The following ASTN2 variants were observed in gnomAD, a reference collection of about 807,000 sequenced individuals.
The protein encoded by ASTN2 is astrotactin 2.
Under a neutral mutation model 139.8 loss-of-function variants are expected in ASTN2, and 54 were observed. That is an observed-to-expected ratio of 0.39 (90% CI 0.31 to 0.48). ASTN2 has a LOEUF of 0.48. Among genes scored for constraint, ASTN2 ranks in the 20% least tolerant of loss-of-function variants. The pLI, the probability that ASTN2 is intolerant of heterozygous loss-of-function variation, is 0.95. For missense variants in ASTN2, 1,565 were observed against 1,725.1 expected (o/e 0.91, Z 1.64); for synonymous variants, 756 against 719.5 (o/e 1.05, Z -0.81).
At chr9:116,702,811 T>G (rs1265963519) in intron 16 of ASTN2, among the ~76,000 whole-genome samples, 1 of 152,176 alleles carries the variant, frequency 6.6e-6, no homozygotes. Context: ...GAGCAATGAT[T>G]CATTCAATAT....
intron 4 of ASTN2, among the ~76,000 whole-genome samples, chr9:117,109,472 T>G (rs1394768682): frequency 6.6e-6 from 1 of 152,190 alleles, no homozygotes; most frequent in African/African-American, 2.4e-5. Context: ...ATCTCAAGAT[T>G]ATTTTAGCCC....
chr9:116,749,084 C>T (rs990506387), intron 13 of ASTN2, among the ~76,000 whole-genome samples: 2 of 152,108 alleles, frequency 1.3e-5, no homozygotes, highest in African/African-American at 2.4e-5. Flanking sequence ...CTTTCCTGGA[C>T]CTTTGTTTCC....
chr9:116,550,163 CTT>C (rs1489212304), intron 19 of ASTN2, among the ~76,000 whole-genome samples: 1 of 152,184 alleles, frequency 6.6e-6, no homozygotes, highest in Non-Finnish European at 1.5e-5. Context: ...CACTCTGACT[CTT>C]TTATCTCAGA....
intron 5 of ASTN2, among the ~76,000 whole-genome samples, chr9:117,062,338 C>G (rs1340949629): frequency 6.6e-6 from 1 of 152,128 alleles, no homozygotes; most frequent in African/African-American, 2.4e-5. Context: ...ACACTTAGGA[C>G]CTAAAAAGGA....
chr9:116,740,373 A>T (rs537935803), intron 13 of ASTN2, among the ~76,000 whole-genome samples: 2 of 152,338 alleles, frequency 1.3e-5, no homozygotes, highest in African/African-American at 4.8e-5. Flanking sequence ...TCATACGCAC[A>T]TGGATACAAA....
rs548330082 is a variant in ASTN2 at position 116,423,249 on chromosome 9, C to T, written c.*2602G>A. Among the ~76,000 whole-genome samples, 276 of 152,236 alleles carry T rather than the reference C, an allele frequency of 1.8e-3. 1 individual carries two copies. In the Middle Eastern group the frequency reaches 0.02, roughly 11 times the overall value. On this transcript the variant is annotated 3_prime_UTR_variant, in exon 23 of 23. Coordinates refer to ENST00000313400, the MANE Select transcript of ASTN2 (RefSeq NM_001365068.1). Reference sequence around the variant, plus strand: ...GAAAAAATAAAAAATAAAATAAAAACACTATACATTGCATTGGATGCATGT... The same window carrying T: ...GAAAAAATAAAAAATAAAATAAAAATACTATACATTGCATTGGATGCATGT...
chr9:117,050,746 A>T (rs1232964934), intron 5 of ASTN2, among the ~76,000 whole-genome samples: 1 of 152,138 alleles, frequency 6.6e-6, no homozygotes, highest in Non-Finnish European at 1.5e-5. Context: ...GCTTCTAAAA[A>T]TAGGGGGCAT....
intron 1 of ASTN2, among the ~76,000 whole-genome samples, chr9:117,306,015 T>C (rs1443869699): frequency 6.6e-6 from 1 of 152,208 alleles, no homozygotes; most frequent in African/African-American, 2.4e-5. Flanking sequence ...ACAGAGCCTG[T>C]CTTTGATTGT....
intron 4 of ASTN2, among the ~76,000 whole-genome samples, chr9:117,111,469 T>C (rs1171654484): frequency 6.7e-6 from 1 of 149,600 alleles, no homozygotes; most frequent in African/African-American, 2.4e-5. Flanking sequence ...CTTAATTAAA[T>C]GAAGAAAATA....
chr9:117,281,480 C>A (rs574137114), intron 2 of ASTN2, among the ~76,000 whole-genome samples: 2 of 152,166 alleles, frequency 1.3e-5, no homozygotes, highest in Non-Finnish European at 2.9e-5. Context: ...CAAATCAAAG[C>A]TCACTTTCCA....
At chr9:116,769,371 C>T (rs1397074989) in intron 13 of ASTN2, among the ~76,000 whole-genome samples, 2 of 151,818 alleles carry the variant, frequency 1.3e-5, no homozygotes, top group African/African-American at 4.8e-5. Flanking sequence ...CTGTGGTGGG[C>T]GGGAGAGTAA....
chr9:116,705,804 A>G (rs547185180), intron 16 of ASTN2, among the ~76,000 whole-genome samples: 1 of 152,290 alleles, frequency 6.6e-6, no homozygotes, highest in East Asian at 1.9e-4. Context: ...TTGAGTAAAG[A>G]CTGCTGAGAA....
chr9:116,881,761 T>C (rs1232492237), intron 10 of ASTN2, among the ~76,000 whole-genome samples: 3 of 152,208 alleles, frequency 2.0e-5, no homozygotes, highest in Non-Finnish European at 2.9e-5. Flanking sequence ...TTGGTTTCCG[T>C]AATGGAAATC....
chr9:116,536,163 G>T (rs2119320918), intron 19 of ASTN2, among the ~76,000 whole-genome samples: 1 of 152,020 alleles, frequency 6.6e-6, no homozygotes, highest in African/African-American at 2.4e-5. Flanking sequence ...ACTGAAGCTT[G>T]TGCATTCGTC....
intron 5 of ASTN2, among the ~76,000 whole-genome samples, chr9:117,068,654 G>A (rs1342858167): frequency 9.6e-6 from 1 of 104,196 alleles, no homozygotes; most frequent in Non-Finnish European, 2.0e-5. Flanking sequence ...CTTTTTGGTT[G>A]GTAAAGTATT....
At chr9:116,544,600 T>A (rs1287254828) in intron 19 of ASTN2, among the ~76,000 whole-genome samples, 2 of 152,166 alleles carry the variant, frequency 1.3e-5, no homozygotes, top group African/African-American at 4.8e-5. Context: ...CAGTTACATA[T>A]TTTTATTCAT....
At chr9:116,493,030 G>T (rs1849564936) in intron 19 of ASTN2, among the ~76,000 whole-genome samples, 1 of 152,106 alleles carries the variant, frequency 6.6e-6, no homozygotes, top group African/African-American at 2.4e-5. Flanking sequence ...GTTTATAAAA[G>T]TTGGTTTTAA....
intron 3 of ASTN2, among the ~76,000 whole-genome samples, chr9:117,148,810 C>T (rs1408286756): frequency 6.6e-6 from 1 of 152,080 alleles, no homozygotes; most frequent in South Asian, 2.1e-4. Flanking sequence ...CCATACTGTG[C>T]ATGAGCCTCA....
intron 16 of ASTN2, among the ~76,000 whole-genome samples, chr9:116,716,474 T>C (rs185298853): frequency 2.2e-4 from 34 of 152,268 alleles, no homozygotes; most frequent in Non-Finnish European, 4.0e-4. Flanking sequence ...TTCTAATTGA[T>C]TGCATAAAGC....
Sources: allele counts gnomAD v4.1 joint callset (sites outside exome capture counted in the v4.1 genomes callset), GRCh38; gene constraint gnomAD v4.1.1; transcripts MANE v1.5; gene names NCBI Gene and HGNC (gene_info 2026-07-23, HGNC 2026-07-21).